LHX4: variants seen among roughly 807,000 people sequenced by gnomAD.
The protein encoded by LHX4 is LIM/homeobox protein Lhx4.
LHX4 carries 16 observed loss-of-function variants against 39.2 expected under a neutral mutation model. The ratio of observed to expected loss-of-function variants is 0.41; its 90% confidence interval spans 0.28 to 0.62. The LOEUF is 0.62. Ranked by LOEUF, LHX4 falls within the 20% of genes least tolerant of loss-of-function variation. LHX4 has a pLI of 0.33. For missense variants in LHX4, 439 were observed against 511.9 expected, an observed-to-expected ratio of 0.86 and a Z score of 1.37; for synonymous variants, 206 against 198.1, an observed-to-expected ratio of 1.04 and a Z score of -0.33.
chr1:180,229,968 G>GGGGT (rs1664131482), upstream of LHX4, among the ~76,000 whole-genome samples: 2 of 140,880 alleles, frequency 1.4e-5, no homozygotes, highest in Non-Finnish European at 3.1e-5. Flanking sequence ...GCGGGGAGGG[G>GGGGT]GGGGGGGTGC....
At chr1:180,229,719 C>G (rs1052917278), upstream of LHX4, among the ~76,000 whole-genome samples, 1 of 151,876 alleles carries the variant, frequency 6.6e-6, no homozygotes. Flanking sequence ...GACACAGCGA[C>G]GCAGCCCCGT....
intron 1 of LHX4, among the ~76,000 whole-genome samples, chr1:180,241,749 C>G (rs2149254344): frequency 6.6e-6 from 1 of 152,270 alleles, no homozygotes; most frequent in Non-Finnish European, 1.5e-5. Flanking sequence ...GAACAGAAAA[C>G]TTTCAAATTC....
Position 180,230,382 on chromosome 1 carries a change from C to A in LHX4, c.-148C>A. 1 of 703,490 alleles carries A rather than the reference C, an allele frequency of 1.4e-6. No individual in the cohort carries two copies. The highest frequency in any genetic ancestry group is 2.5e-6 in the Non-Finnish European group (1 of 395,682). The allele number at this position is 703,490 out of a possible 1,614,324, so 43.6% of individuals were successfully genotyped here. On this transcript the variant is annotated 5_prime_UTR_variant, in exon 1 of 6. Coordinates refer to ENST00000263726, the MANE Select transcript of LHX4 (RefSeq NM_033343.4). This position sits in a 1 kb window ranked among gnomAD's most constrained non-coding sequence, Gnocchi z 5.8. ...GAGGGGGCCGGCCAGCCTGTGGAGTCCTCCCTGAGAAGCGGAGGGCCCGGC... is the reference window on the plus strand; with the variant it reads ...GAGGGGGCCGGCCAGCCTGTGGAGTACTCCCTGAGAAGCGGAGGGCCCGGC...
In LHX4 at chr1:180,271,549, C is replaced by T. The variant is rs1648659589; in HGVS notation, c.606+15C>T. The T allele has an allele frequency of 6.2e-7, 1 of 1,613,840 alleles. No homozygotes were observed. Among genetic ancestry groups the T allele is most frequent in the Non-Finnish European group, 8.5e-7 (1 of 1,179,842 alleles). ...GGGTCGTACAGGTGAGATGCCAGCACTCCTGTGCCCTCCGGGGATCCCAGG... is the reference window on the plus strand; with the variant it reads ...GGGTCGTACAGGTGAGATGCCAGCATTCCTGTGCCCTCCGGGGATCCCAGG... On this transcript the variant is annotated intron_variant, in intron 4 of 5. Coordinates refer to ENST00000263726, the MANE Select transcript of LHX4 (RefSeq NM_033343.4).
chr1:180,270,901 G>GTATCATTAAAAA, intron 3 of LHX4: 5 of 235,776 alleles, frequency 2.1e-5, no homozygotes, highest in South Asian at 5.6e-5. Flanking sequence ...TGAGCCCAGC[G>GTATCATTAAAAA]ACGCCAGGGC....
chr1:180,230,553 C>T lies in LHX4; in HGVS notation c.24C>T (p.Pro8=), dbSNP rs1664151640. MMQSATV[P]AEGAVKGLPE... is the part of the protein sequence containing the mutation. The stretch of plus-strand genomic sequence containing the variant: ...AGATGATGCAGAGTGCGACTGTCCC[C>T]GCGGAAGGGGCTGTCAAGGGGCTCC... The change falls in exon 1 of 6, where the codon CCC becomes CCT. Residue 8 remains proline, a synonymous_variant. Coordinates refer to ENST00000263726, the MANE Select transcript of LHX4 (RefSeq NM_033343.4). This position sits in a 1 kb window ranked among gnomAD's most constrained non-coding sequence, Gnocchi z 5.8. 3.7e-6 allele frequency: 6 copies of T among 1,613,956 alleles called. No homozygotes were observed. The highest frequency in any genetic ancestry group is 5.1e-6 in the Non-Finnish European group (6 of 1,179,972).
intron 2 of LHX4, among the ~76,000 whole-genome samples, chr1:180,262,897 A>G (rs1648165182): frequency 1.3e-5 from 2 of 152,082 alleles, no homozygotes; most frequent in Admixed American, 1.3e-4. Context: ...AGAGGATGAA[A>G]ATAATATGAG....
chr1:180,271,809 G>GT (rs1558224564), intron 4 of LHX4, 26 bp from the exon 5 acceptor site: 2 of 1,613,722 alleles, frequency 1.2e-6, no homozygotes, highest in Admixed American at 1.7e-5. Context: ...CGCCCCCTGA[G>GT]TATGTCCCTT....
At position 180,234,326 on chromosome 1, in the gene LHX4, A is replaced by G. The variant is rs1003350957; in HGVS notation, c.76+3721A>G. Among the ~76,000 whole-genome samples the G allele has an allele frequency of 1.3e-5, 2 of 151,148 alleles. No homozygotes were observed. The highest frequency in any genetic ancestry group is 2.0e-4 in the East Asian group (1 of 5,114). Reference sequence around the variant, plus strand: ...AGAATATATTCTCAGGCAGGAGACAATTTTTACAGATGAGGTCAGCTGTCC... The same window carrying G: ...AGAATATATTCTCAGGCAGGAGACAGTTTTTACAGATGAGGTCAGCTGTCC... On this transcript the variant is annotated intron_variant, in intron 1 of 5. Coordinates refer to ENST00000263726, the MANE Select transcript of LHX4 (RefSeq NM_033343.4). The surrounding 1 kb of genome is among the most constrained non-coding windows in gnomAD (Gnocchi z 4.8).
At chr1:180,253,908 G>T (rs1341152025) in intron 2 of LHX4, among the ~76,000 whole-genome samples, 1 of 152,202 alleles carries the variant, frequency 6.6e-6, no homozygotes, top group Non-Finnish European at 1.5e-5. Context: ...GTTAGTGGGG[G>T]GTTAGCCTGG....
chr1:180,229,950 A>C (rs867905185), upstream of LHX4, among the ~76,000 whole-genome samples: 1 of 32,092 alleles, frequency 3.1e-5, no homozygotes, highest in Non-Finnish European at 5.5e-5. Context: ...GCGGAGGCGG[A>C]GGCGGAGGCG....
intron 3 of LHX4, chr1:180,270,481 C>G (rs1648578959): frequency 6.6e-6 from 1 of 152,218 alleles, no homozygotes; most frequent in South Asian, 2.1e-4. Context: ...CCTTTACATT[C>G]ACCTGTGCTT....
rs1664156728 is a variant in LHX4 at position 180,230,703 on chromosome 1, G to A, written c.76+98G>A. On this transcript the variant is annotated intron_variant, in intron 1 of 5. Transcript: ENST00000263726. The surrounding 1 kb of genome is among the most constrained non-coding windows in gnomAD (Gnocchi z 5.8). ...CCGGACGCCGCTCAGGGGCCGGGAG[G>A]GGCTGGCGGCCGGGGCGCAGAGGCG... 1.7e-6 allele frequency: 2 copies of A among 1,195,624 alleles called. No individual in the cohort carries two copies. The highest frequency in any genetic ancestry group is 2.5e-5 in the South Asian group (2 of 79,268). 74.1% of individuals were successfully genotyped at this position (1,195,624 alleles called of 1,614,324 possible).
intron 1 of LHX4, among the ~76,000 whole-genome samples, chr1:180,242,287 G>A (rs1255419579): frequency 6.6e-6 from 1 of 151,756 alleles, no homozygotes; most frequent in Non-Finnish European, 1.5e-5. Flanking sequence ...GTACATGTGA[G>A]TATGTGTCTT....
intron 3 of LHX4, chr1:180,270,098 AG>A (rs1337845024): frequency 1.3e-5 from 2 of 152,202 alleles, no homozygotes; most frequent in Non-Finnish European, 2.9e-5. Flanking sequence ...TGGACTTCCA[AG>A]GGGGAAGTGA....
At chr1:180,272,091 C>CTTTTTTTTTTTTTTTTTTTTTTTTTTTT in intron 5 of LHX4, 85 bp downstream of exon 5, 1 of 1,289,456 alleles carries the variant, frequency 7.8e-7, no homozygotes, top group South Asian at 1.5e-5. Flanking sequence ...AGGGATCTTT[C>CTTTTTTTTTTTTTTTTTTTTTTTTTTTT]TTGAGGCCTT....
intron 2 of LHX4, among the ~76,000 whole-genome samples, chr1:180,256,349 G>T (rs1457737578): frequency 1.3e-5 from 2 of 152,150 alleles, no homozygotes; most frequent in Non-Finnish European, 2.9e-5. Flanking sequence ...TCCCATTAGA[G>T]CCAGTGTCTA....
upstream of LHX4, among the ~76,000 whole-genome samples, chr1:180,230,117 C>T (rs1337820878): frequency 6.6e-6 from 1 of 151,950 alleles, no homozygotes; most frequent in African/African-American, 2.4e-5. The surrounding 1 kb of genome is among the most constrained non-coding windows in gnomAD (Gnocchi z 5.8). Flanking sequence ...AAGGGCGGGC[C>T]TCCCTGCGGA....
intron 2 of LHX4, among the ~76,000 whole-genome samples, chr1:180,252,074 G>C (rs532689448): frequency 9.8e-5 from 15 of 152,332 alleles, no homozygotes; most frequent in Non-Finnish European, 1.6e-4. Context: ...GCAGCAGGCT[G>C]TCCAGCATCT....
Sources: allele counts gnomAD v4.1 joint callset (sites outside exome capture counted in the v4.1 genomes callset), GRCh38; gene constraint gnomAD v4.1.1; non-coding constraint Gnocchi (gnomAD v3.1); transcripts MANE v1.5; gene names NCBI Gene and HGNC (gene_info 2026-07-23, HGNC 2026-07-21).